ABCA3: variants seen among roughly 807,000 people sequenced by gnomAD.
The protein encoded by ABCA3 is phospholipid-transporting ATPase ABCA3.
Under a neutral mutation model 172.8 loss-of-function variants are expected in ABCA3, and 88 were observed. The observed-to-expected ratio is 0.51, with a 90% confidence interval of 0.43 to 0.61. ABCA3 has a LOEUF of 0.61. Ranked by LOEUF, ABCA3 falls within the 20% of genes least tolerant of loss-of-function variation. The pLI is 0.00. For missense variants in ABCA3, 2,164 were observed against 2,301.0 expected (o/e 0.94, Z 1.22); for synonymous variants, 1,066 against 983.8 (o/e 1.08, Z -1.56).
intron 18 of ABCA3, among the ~76,000 whole-genome samples, chr16:2,295,005 CAAATA>C (rs1350078726): frequency 6.6e-6 from 1 of 151,924 alleles, no homozygotes; most frequent in East Asian, 1.9e-4. Context: ...AAATAAATAA[CAAATA>C]AAATAAATAA....
At position 2,323,649 on chromosome 16, in the gene ABCA3, A is replaced by G. The variant is rs1567353629; in HGVS notation, c.487T>C (p.Tyr163His). Reference protein sequence around the residue: ...HLRFSYTRRNYMWTQTGSFFL... With the variant: ...HLRFSYTRRNHMWTQTGSFFL... ...AAGGAGCCTGTTTGGGTCCACATGT[A>G]ATTTCTCCGTGTGTAACTGAACCGT... The change falls in exon 7 of 33, where the codon TAC (tyrosine) becomes CAC (histidine). Residue 163 changes from tyrosine (Y) to histidine (H), a missense_variant. By Grantham distance (83) the Tyr-to-His change is moderately conservative (BLOSUM62 2). Transcript: ENST00000301732. The G allele has an allele frequency of 6.8e-6, 11 of 1,614,030 alleles. No individual in the cohort carries two copies. The highest frequency in any genetic ancestry group is 1.6e-4 in the Middle Eastern group (1 of 6,084).
At chr16:2,290,580 G>A (rs1372894251) in intron 19 of ABCA3, among the ~76,000 whole-genome samples, 1 of 152,172 alleles carries the variant, frequency 6.6e-6, no homozygotes, top group African/African-American at 2.4e-5. Flanking sequence ...GCTGACTCCA[G>A]GCCAGCCCGT....
chr16:2,334,556 T>G (rs2093748685), intron 1 of ABCA3, among the ~76,000 whole-genome samples: 1 of 148,616 alleles, frequency 6.7e-6, no homozygotes, highest in Admixed American at 6.8e-5. Flanking sequence ...GCTCTATCAC[T>G]CAGGCTGGAG....
rs983728103 is a variant in ABCA3, at chr16:2,338,711, C to T, written c.-539+1862G>A. ...GAATAAAGCATCTCTTTAGCTCTAT[C>T]CTAAGACCCCTCCAAGAGCAGGGAC... is the stretch of plus-strand genomic sequence containing the variant. On this transcript the variant is annotated intron_variant, in intron 1 of 32. Coordinates refer to ENST00000301732, the MANE Select transcript of ABCA3 (RefSeq NM_001089.3). Among the ~76,000 whole-genome samples, 5 of 151,636 alleles carry T rather than the reference C, an allele frequency of 3.3e-5. No homozygotes were observed. In the South Asian group the frequency reaches 8.3e-4, roughly 25 times the overall value.
intron 3 of ABCA3, 67 bp from the exon 4 acceptor site, chr16:2,326,559 A>G (rs2093734785): frequency 1.3e-6 from 2 of 1,501,938 alleles, no homozygotes; most frequent in Admixed American, 2.0e-5. Flanking sequence ...GGATTTGGGG[A>G]AAAGCCATGG....
chr16:2,315,830 A>C (rs1236152569), intron 10 of ABCA3, among the ~76,000 whole-genome samples: 1 of 145,138 alleles, frequency 6.9e-6, no homozygotes, highest in African/African-American at 2.5e-5. Flanking sequence ...CACCTGGCTA[A>C]TTTTTAAACT....
rs147917344 is a variant in ABCA3, at chr16:2,283,324, G to A, written c.3897C>T (p.Ser1299=). 3.5e-5 allele frequency: 57 copies of A among 1,613,042 alleles called. No individual in the cohort carries two copies. Among genetic ancestry groups the A allele is most frequent in the Non-Finnish European group, 4.5e-5 (53 of 1,180,000 alleles). ...IQYQENFYAW[S]APGVGRFVAS... is the part of the protein sequence containing the mutation. ...CCACAAACCGGCCGACCCCCGGGGC[G>A]CTCCAGGCATAGAAGTTCTCCTGGT... is the stretch of plus-strand genomic sequence containing the variant. The change falls in exon 26 of 33, where the codon AGC becomes AGT. Residue 1299 remains serine, a synonymous_variant. Transcript: ENST00000301732. This position sits in a 1 kb window ranked among gnomAD's most constrained non-coding sequence, Gnocchi z 5.4.
chr16:2,317,987 C>T (rs1334359897), intron 8 of ABCA3, among the ~76,000 whole-genome samples: 27 of 152,276 alleles, frequency 1.8e-4, no homozygotes, highest in Admixed American at 1.7e-3. Context: ...TAAGCCACTG[C>T]ACCCGGCCAG....
intron 10 of ABCA3, among the ~76,000 whole-genome samples, chr16:2,317,011 C>T (rs983324267): frequency 4.6e-5 from 7 of 152,226 alleles, no homozygotes; most frequent in African/African-American, 1.7e-4. Flanking sequence ...CTGCACATGG[C>T]CGGGCTCACT....
chr16:2,292,646 G>A (rs1365963062), intron 18 of ABCA3, among the ~76,000 whole-genome samples: 1 of 151,818 alleles, frequency 6.6e-6, no homozygotes, highest in African/African-American at 2.4e-5. Context: ...GAGGCCAGGT[G>A]CAGTATCTCA....
rs2093646020 is a variant in ABCA3, at chr16:2,276,175, A to G, written c.*499T>C. ...GACGCTAAGACCCCAGCACCTAATC[A>G]CAGTCAGCAGCTTCCCTCCACTGAC... On this transcript the variant is annotated 3_prime_UTR_variant, in exon 33 of 33. Transcript: ENST00000301732. The G allele has an allele frequency of 5.2e-6, 2 of 382,402 alleles. No homozygotes were observed. Among genetic ancestry groups the G allele is most frequent in the Non-Finnish European group, 1.1e-5 (2 of 188,724 alleles). The allele number at this position is 382,402 out of a possible 1,614,324, so 23.7% of individuals were successfully genotyped here. A position where few individuals can be genotyped will look rare whatever the true frequency, so the allele number is the denominator to read the frequency against.
In ABCA3 at chr16:2,278,631, G is replaced by A. The variant is rs1049383212; in HGVS notation, c.4548-173C>T. Among the ~76,000 whole-genome samples, 1 of 152,218 alleles carries A rather than the reference G, an allele frequency of 6.6e-6. No homozygotes were observed. The highest frequency in any genetic ancestry group is 1.5e-5 in the Non-Finnish European group (1 of 68,030). On this transcript the variant is annotated intron_variant, in intron 29 of 32. Coordinates refer to ENST00000301732, the MANE Select transcript of ABCA3 (RefSeq NM_001089.3). The surrounding 1 kb of genome is among the most constrained non-coding windows in gnomAD (Gnocchi z 4.4). The stretch of plus-strand genomic sequence containing the variant: ...CTGGAAAGCCCACCGCATAGGGCTG[G>A]AGGCCCCAGAGAAGGCTGTTCCCAG...
chr16:2,295,494 G>A (rs1310236889), intron 18 of ABCA3, 96 bp downstream of exon 18: 2 of 1,568,288 alleles, frequency 1.3e-6, no homozygotes, highest in African/African-American at 2.7e-5. Context: ...AGGCCAGAGA[G>A]GGGCAGAGCA....
chr16:2,310,427 AAAAC>A (rs143630880), intron 10 of ABCA3, among the ~76,000 whole-genome samples: 25,838 of 150,852 alleles, frequency 0.17, 2,292 homozygotes, highest in Non-Finnish European at 0.19. Context: ...AACAAACAAA[AAAAC>A]AAACAAACAA....
rs774828715 is a variant in ABCA3, at chr16:2,276,204, G to A, written c.*470C>T. On this transcript the variant is annotated 3_prime_UTR_variant, in exon 33 of 33. Coordinates refer to ENST00000301732, the MANE Select transcript of ABCA3 (RefSeq NM_001089.3). ...TCAGCAGCTTCCCTCCACTGACAGT[G>A]ATCTGCATGGTCCATTCCTGGCGGC... The A allele has an allele frequency of 1.4e-5, 6 of 419,194 alleles. No homozygotes were observed. Among genetic ancestry groups the A allele is most frequent in the Admixed American group, 7.8e-5 (3 of 38,580 alleles). 26.0% of individuals were successfully genotyped at this position (419,194 alleles called of 1,614,324 possible). A position where few individuals can be genotyped will look rare whatever the true frequency, so the allele number is the denominator to read the frequency against.
intron 5 of ABCA3, among the ~76,000 whole-genome samples, chr16:2,325,770 C>A (rs773119173): frequency 2.0e-4 from 30 of 152,174 alleles, no homozygotes; most frequent in Non-Finnish European, 5.9e-5. Flanking sequence ...TTGGTGGGGA[C>A]TGTGATGGTG....
rs45452892 is a variant in ABCA3, at chr16:2,284,162, C to T, written c.3862+117G>A. On this transcript the variant is annotated intron_variant, in intron 25 of 32. Coordinates refer to ENST00000301732, the MANE Select transcript of ABCA3 (RefSeq NM_001089.3). This position sits in a 1 kb window ranked among gnomAD's most constrained non-coding sequence, Gnocchi z 5.9. ...GGTGGGGCAAGGCGGTACAGAGGAA[C>T]GCACCAGCCCCAGGCCACTCAGACG... 6.8e-6 allele frequency: 9 copies of T among 1,314,454 alleles called. No homozygotes were observed. The highest frequency in any genetic ancestry group is 8.2e-6 in the Non-Finnish European group (8 of 972,334). 81.4% of individuals were successfully genotyped at this position (1,314,454 alleles called of 1,614,324 possible). A position where few individuals can be genotyped will look rare whatever the true frequency, so the allele number is the denominator to read the frequency against.
chr16:2,318,704 G>T (rs1046262897), intron 8 of ABCA3, among the ~76,000 whole-genome samples: 7 of 151,896 alleles, frequency 4.6e-5, no homozygotes, highest in African/African-American at 1.7e-4. Flanking sequence ...GTAGAGACAC[G>T]GTTTCACCTT....
intron 1 of ABCA3, among the ~76,000 whole-genome samples, chr16:2,334,116 G>A (rs2093747777): frequency 6.6e-6 from 1 of 152,206 alleles, no homozygotes; most frequent in Non-Finnish European, 1.5e-5. Flanking sequence ...AATTGCGTGT[G>A]TGAGACAGCG....
Sources: allele counts gnomAD v4.1 joint callset (sites outside exome capture counted in the v4.1 genomes callset), GRCh38; gene constraint gnomAD v4.1.1; non-coding constraint Gnocchi (gnomAD v3.1); transcripts MANE v1.5; gene names NCBI Gene and HGNC (gene_info 2026-07-23, HGNC 2026-07-21).